The following TRAF3IP1 variants were observed in gnomAD, a reference collection of about 807,000 sequenced individuals.
TRAF3IP1 encodes TRAF3-interacting protein 1.
A neutral mutation model predicts 89.9 loss-of-function variants in TRAF3IP1; 53 were observed. The ratio of observed to expected loss-of-function variants is 0.59; its 90% CI spans 0.47 to 0.74. The LOEUF (loss-of-function observed/expected upper bound fraction) is 0.74, where lower values mean the gene tolerates loss of function less well. TRAF3IP1 is among the 30% of genes least tolerant of loss of function. The probability of loss-of-function intolerance (pLI) is 0.00; values close to 1 mark genes in which losing one functional copy is unlikely to be tolerated. For synonymous variants in TRAF3IP1, 311 were observed against 322.1 expected, an observed-to-expected ratio of 0.97 and a Z score of 0.37; for missense variants, 806 against 866.1, an observed-to-expected ratio of 0.93 and a Z score of 0.87.
chr2:238,387,383 GTTA>G (rs1700816046), intron 15 of TRAF3IP1, among the ~76,000 whole-genome samples: 1 of 152,218 alleles, frequency 6.6e-6, no homozygotes, highest in Admixed American at 6.5e-5. Context: ...CAGTTCAGTA[GTTA>G]TTATCTTCAG....
intron 8 of TRAF3IP1, among the ~76,000 whole-genome samples, chr2:238,339,562 G>A (rs1698539999): frequency 6.6e-6 from 1 of 152,252 alleles, no homozygotes; most frequent in Non-Finnish European, 1.5e-5. Context: ...CAGCTAGCTA[G>A]GACCTCATCT....
At chr2:238,368,854 G>C (rs1699992265) in intron 15 of TRAF3IP1, among the ~76,000 whole-genome samples, 1 of 151,946 alleles carries the variant, frequency 6.6e-6, no homozygotes, top group African/African-American at 2.4e-5. Flanking sequence ...TTTATTTTTA[G>C]TAGAGACAGA....
rs561473172 is a variant in TRAF3IP1, at chr2:238,379,127, G to A, written c.1690-18332G>A. Among the ~76,000 whole-genome samples, 124 of 152,312 alleles carry A rather than the reference G, an allele frequency of 8.1e-4. 1 individual carries two copies. The Middle Eastern group carries it at 0.01, about 13-fold the overall frequency. ...CTGTCGACTCACTCTTTGGTCGTCT[G>A]TGTGTCACTGGGGGCCTGTTTTCTT... On this transcript the variant is annotated intron_variant, in intron 15 of 16. Transcript: ENST00000373327. The surrounding 1 kb of genome is among the most constrained non-coding windows in gnomAD (Gnocchi z 4.0).
intron 15 of TRAF3IP1, among the ~76,000 whole-genome samples, chr2:238,392,280 T>C (rs1222106297): frequency 6.6e-6 from 1 of 152,182 alleles, no homozygotes; most frequent in Non-Finnish European, 1.5e-5. Flanking sequence ...GATAACATCT[T>C]ACAGAACCAT....
intron 15 of TRAF3IP1, among the ~76,000 whole-genome samples, chr2:238,392,868 G>C (rs1298114597): frequency 2.0e-5 from 3 of 152,230 alleles, no homozygotes; most frequent in Non-Finnish European, 2.9e-5. Context: ...GAGCCACCAT[G>C]CCTGGCCAGT....
chr2:238,346,109 G>C (rs144843052), intron 9 of TRAF3IP1, among the ~76,000 whole-genome samples: 12 of 152,238 alleles, frequency 7.9e-5, no homozygotes, highest in African/African-American at 2.2e-4. Context: ...TGTGTCTGCT[G>C]CCTGCCCCCA....
intron 15 of TRAF3IP1, among the ~76,000 whole-genome samples, chr2:238,386,791 A>T (rs1219843468): frequency 6.6e-6 from 1 of 152,158 alleles, no homozygotes; most frequent in Non-Finnish European, 1.5e-5. Context: ...TTTTGCCTTG[A>T]CCACAGTGAC....
At chr2:238,340,751 T>A (rs1698601714) in intron 8 of TRAF3IP1, among the ~76,000 whole-genome samples, 1 of 151,292 alleles carries the variant, frequency 6.6e-6, no homozygotes, top group Non-Finnish European at 1.5e-5. Flanking sequence ...CTAGTGCCCA[T>A]ATACCTCTCA....
intron 5 of TRAF3IP1, 106 bp downstream of exon 5, chr2:238,329,448 T>G: frequency 2.0e-6 from 2 of 976,530 alleles, no homozygotes; most frequent in Admixed American, 6.9e-5. Flanking sequence ...TGGTTTTCTT[T>G]TATGCCTATT....
intron 8 of TRAF3IP1, among the ~76,000 whole-genome samples, chr2:238,338,675 T>G (rs138584763): frequency 1.3e-5 from 2 of 152,376 alleles, no homozygotes; most frequent in Admixed American, 6.5e-5. Flanking sequence ...GTTAATTATA[T>G]GCCTTTTTAT....
intron 15 of TRAF3IP1, among the ~76,000 whole-genome samples, chr2:238,369,227 T>A (rs58151825): frequency 6.7e-6 from 1 of 148,744 alleles, no homozygotes; most frequent in Non-Finnish European, 1.5e-5. Context: ...AAAGTAAATA[T>A]ATATTTTTAA....
chr2:238,367,163 CAAAAAAAAA>C lies in TRAF3IP1; in HGVS notation c.1689+11101_1689+11109del, dbSNP rs33964253. 1.9e-4 allele frequency among the ~76,000 whole-genome samples: 7 copies of C among 36,162 alleles called. No individual in the cohort carries two copies. In the Admixed American group the frequency reaches 2.0e-3, roughly 11 times the overall value. 23.7% of individuals were successfully genotyped at this position (36,162 alleles called of 152,430 possible). On this transcript the variant is annotated intron_variant, in intron 15 of 16. Transcript: ENST00000373327. ...TGGGTGACAAAGCAAGACTCTGTCT[CAAAAAAAAA>C]AAAAAAAAAAAAAAAAAGAAAATTA...
At position 238,351,834 on chromosome 2, in the gene TRAF3IP1, GGTGT is replaced by G. The variant is rs10527993; in HGVS notation, c.1452-963_1452-960del. Among the ~76,000 whole-genome samples, 3,961 of 140,860 alleles carry G rather than the reference GGTGT, an allele frequency of 0.028. 58 individuals carry two copies. Among genetic ancestry groups the G allele is most frequent in the African/African-American group, 0.034 (1,291 of 38,004 alleles). 92.4% of individuals were successfully genotyped at this position (140,860 alleles called of 152,430 possible). ...TGGCACTGAAGCAAGGGAGGATTTT[GGTGT>G]GTGTGTGTGTGTGTGTGTGTGTGTG... On this transcript the variant is annotated intron_variant, in intron 12 of 16. Coordinates refer to ENST00000373327, the MANE Select transcript of TRAF3IP1 (RefSeq NM_015650.4). The surrounding 1 kb of genome is among the most constrained non-coding windows in gnomAD (Gnocchi z 5.2).
At position 238,320,795 on chromosome 2, in the gene TRAF3IP1, G is replaced by A; in HGVS notation, c.123+10G>A. Reference sequence around the variant, plus strand: ...CGACATCATCACGGAGGTGGGCGCCGGGGACCGGGCCCGGCCAGGTGCGGG... The same window carrying A: ...CGACATCATCACGGAGGTGGGCGCCAGGGACCGGGCCCGGCCAGGTGCGGG... On this transcript the variant is annotated intron_variant, in intron 1 of 16. Coordinates refer to ENST00000373327, the MANE Select transcript of TRAF3IP1 (RefSeq NM_015650.4). 1 of 1,405,522 alleles carries A rather than the reference G, an allele frequency of 7.1e-7. No individual in the cohort carries two copies. Among genetic ancestry groups the A allele is most frequent in the Non-Finnish European group, 9.4e-7 (1 of 1,063,516 alleles). 87.1% of individuals were successfully genotyped at this position (1,405,522 alleles called of 1,614,324 possible).
At chr2:238,338,496 C>T (rs746153057) in intron 8 of TRAF3IP1, 39 bp downstream of exon 8, 7 of 1,127,312 alleles carry the variant, frequency 6.2e-6, no homozygotes, top group Middle Eastern at 2.9e-4. Flanking sequence ...TTCCTCACCA[C>T]TTTAATGTGA....
chr2:238,397,128 G>C (rs1319798759), intron 15 of TRAF3IP1, among the ~76,000 whole-genome samples: 4 of 152,190 alleles, frequency 2.6e-5, no homozygotes, highest in African/African-American at 9.7e-5. Flanking sequence ...AGCTACAAAA[G>C]TTGCTTGTTA....
At position 238,331,080 on chromosome 2, in the gene TRAF3IP1, C is replaced by T. The variant is rs567421146; in HGVS notation, c.915+1738C>T. ...AACCTTCCTCAGCTCACAAAGCCTTCGGATTGAGGGTCCCCACGTTATGTT... is the reference window on the plus strand; with the variant it reads ...AACCTTCCTCAGCTCACAAAGCCTTTGGATTGAGGGTCCCCACGTTATGTT... On this transcript the variant is annotated intron_variant, in intron 5 of 16. Coordinates refer to ENST00000373327, the MANE Select transcript of TRAF3IP1 (RefSeq NM_015650.4). Among the ~76,000 whole-genome samples, 15 of 152,214 alleles carry T rather than the reference C, an allele frequency of 9.9e-5. No homozygotes were observed. The East Asian group carries it at 2.5e-3, about 25-fold the overall frequency.
At chr2:238,335,073 G>C (rs780418406) in intron 7 of TRAF3IP1, among the ~76,000 whole-genome samples, 2 of 152,190 alleles carry the variant, frequency 1.3e-5, no homozygotes, top group African/African-American at 2.4e-5. Flanking sequence ...CGTGCTGTAT[G>C]TTAAGGACAT....
chr2:238,325,709 T>A lies in TRAF3IP1; in HGVS notation c.193-100T>A. 1.0e-5 allele frequency: 12 copies of A among 1,192,686 alleles called. 1 individual carries two copies. The South Asian group carries it at 1.5e-4, about 15-fold the overall frequency. The allele number at this position is 1,192,686 out of a possible 1,614,324, so 73.9% of individuals were successfully genotyped here. ...TGTTATATATCTAAAAACAGCTTTG[T>A]ATGTAAACAGAAACTATCCTATGCC... On this transcript the variant is annotated intron_variant, in intron 2 of 16. Coordinates refer to ENST00000373327, the MANE Select transcript of TRAF3IP1 (RefSeq NM_015650.4).
Sources: allele counts gnomAD v4.1 joint callset (sites outside exome capture counted in the v4.1 genomes callset), GRCh38; gene constraint gnomAD v4.1.1; non-coding constraint Gnocchi (gnomAD v3.1); transcripts MANE v1.5; gene names NCBI Gene and HGNC (gene_info 2026-07-23, HGNC 2026-07-21).